PPP2R5E: variants seen among roughly 807,000 people sequenced by gnomAD.
PPP2R5E encodes the protein serine/threonine-protein phosphatase 2A 56 kDa regulatory subunit epsilon isoform.
PPP2R5E carries 4 observed loss-of-function variants against 65.3 expected under a neutral mutation model. The ratio of observed to expected loss-of-function variants is 0.06; its 90% confidence interval spans 0.03 to 0.14. The LOEUF (loss-of-function observed/expected upper bound fraction) is 0.14, where lower values mean the gene tolerates loss of function less well. PPP2R5E is among the 10% of genes least tolerant of loss of function. PPP2R5E has a pLI of 1.00. For missense variants in PPP2R5E, 274 were observed against 556.1 expected, an observed-to-expected ratio of 0.49 and a Z score of 5.10; for synonymous variants, 183 against 187.4, an observed-to-expected ratio of 0.98 and a Z score of 0.19.
intron 2 of PPP2R5E, among the ~76,000 whole-genome samples, chr14:63,521,991 C>T (rs1055586611): frequency 3.6e-5 from 5 of 137,746 alleles, no homozygotes; most frequent in Admixed American, 3.0e-4. Flanking sequence ...CCTCTGATAC[C>T]GAGCCGAAGC....
intron 3 of PPP2R5E, among the ~76,000 whole-genome samples, chr14:63,439,396 C>G (rs755761861): frequency 6.6e-6 from 1 of 150,436 alleles, no homozygotes; most frequent in African/African-American, 2.4e-5. Context: ...TTTTTTGAGA[C>G]GGAGTTTTGC....
intron 5 of PPP2R5E, among the ~76,000 whole-genome samples, chr14:63,411,100 C>T (rs867061044): frequency 2.0e-5 from 3 of 152,188 alleles, no homozygotes; most frequent in Non-Finnish European, 2.9e-5. Flanking sequence ...TAGCTCTAGA[C>T]GTTCACTAAT....
intron 3 of PPP2R5E, chr14:63,453,310 A>T (rs1888948709): frequency 6.4e-6 from 1 of 157,398 alleles, no homozygotes; most frequent in African/African-American, 2.4e-5. Context: ...CTAATATACC[A>T]CAATGAATAA....
chr14:63,485,587 T>C (rs1890946595), intron 2 of PPP2R5E, among the ~76,000 whole-genome samples: 2 of 151,804 alleles, frequency 1.3e-5, no homozygotes, highest in African/African-American at 4.8e-5. Context: ...GCTAATTTTG[T>C]ATTTTTAGTA....
Position 63,418,642 on chromosome 14 carries a change from A to G in PPP2R5E, c.456+3351T>C, listed in dbSNP as rs573515470. Among the ~76,000 whole-genome samples the G allele has an allele frequency of 2.7e-5, 4 of 148,616 alleles. No individual in the cohort carries two copies. In the South Asian group the frequency reaches 8.5e-4, roughly 31 times the overall value. On this transcript the variant is annotated intron_variant, in intron 4 of 13. Coordinates refer to ENST00000337537, the MANE Select transcript of PPP2R5E (RefSeq NM_006246.5). ...AAACAAATTCTTAATTGTAAATGAA[A>G]GTCCTATAAAATTGTATTCTACTGA...
At chr14:63,518,927 A>T (rs572852373) in intron 2 of PPP2R5E, among the ~76,000 whole-genome samples, 145 of 152,264 alleles carry the variant, frequency 9.5e-4, no homozygotes, top group African/African-American at 3.4e-3. Flanking sequence ...AAAATAAAAA[A>T]AATAAAAGAG....
chr14:63,523,123 G>A (rs1026968964), intron 2 of PPP2R5E, among the ~76,000 whole-genome samples: 26 of 150,078 alleles, frequency 1.7e-4, no homozygotes, highest in African/African-American at 4.7e-4. Flanking sequence ...AGCCCCTTCC[G>A]GGAAGTGGGG....
intron 2 of PPP2R5E, among the ~76,000 whole-genome samples, chr14:63,500,782 C>T (rs1891837758): frequency 6.6e-6 from 1 of 151,948 alleles, no homozygotes; most frequent in African/African-American, 2.4e-5. Context: ...AGGAGGATCT[C>T]TCGAGCCTGG....
intron 3 of PPP2R5E, among the ~76,000 whole-genome samples, chr14:63,422,729 TAAAAAAAAAAA>T (rs567590182): frequency 7.4e-4 from 65 of 88,242 alleles, no homozygotes; most frequent in Middle Eastern, 7.5e-3. Context: ...TCCGTCTATT[TAAAAAAAAAAA>T]AAAAAAAAAA....
rs1889906014 is a variant in PPP2R5E at position 63,467,665 on chromosome 14, A to C, written c.158-13780T>G. ...TTATAATTCTGGAAAAACATCACAG[A>C]AACGTTTAAGATGTCAAATGAATTC... is the stretch of plus-strand genomic sequence containing the variant. On this transcript the variant is annotated intron_variant, in intron 2 of 13. Coordinates refer to ENST00000337537, the MANE Select transcript of PPP2R5E (RefSeq NM_006246.5). Among the ~76,000 whole-genome samples the C allele has an allele frequency of 2.6e-5, 4 of 152,258 alleles. No individual in the cohort carries two copies. In the South Asian group the frequency reaches 8.3e-4, roughly 31 times the overall value.
intron 11 of PPP2R5E, 72 bp from the exon 12 acceptor site, chr14:63,384,643 C>T: frequency 7.6e-7 from 1 of 1,310,888 alleles, no homozygotes; most frequent in South Asian, 1.4e-5. Flanking sequence ...TAAATCTTTC[C>T]AAACAAAAGT....
intron 4 of PPP2R5E, among the ~76,000 whole-genome samples, chr14:63,416,728 A>C (rs914637219): frequency 3.9e-5 from 6 of 151,994 alleles, no homozygotes; most frequent in African/African-American, 1.4e-4. Flanking sequence ...GAAAAAAAAA[A>C]CTTTACTTTC....
intron 2 of PPP2R5E, among the ~76,000 whole-genome samples, chr14:63,536,667 T>C (rs117423813): frequency 6.6e-6 from 1 of 152,328 alleles, no homozygotes; most frequent in Non-Finnish European, 1.5e-5. Context: ...ATGGTATGTA[T>C]ATACACTGAA....
chr14:63,538,463 C>A (rs528637532), intron 2 of PPP2R5E, among the ~76,000 whole-genome samples: 2 of 150,716 alleles, frequency 1.3e-5, no homozygotes, highest in Admixed American at 1.3e-4. Flanking sequence ...CCATGTTGGC[C>A]AGGCTGGTCT....
intron 4 of PPP2R5E, among the ~76,000 whole-genome samples, chr14:63,418,281 G>A (rs979329704): frequency 6.6e-6 from 1 of 152,140 alleles, no homozygotes; most frequent in South Asian, 2.1e-4. Context: ...CCACAAAGAG[G>A]GGAGATTCTC....
chr14:63,453,700 C>G lies in PPP2R5E; in HGVS notation c.343G>C (p.Val115Leu). 6.2e-7 allele frequency: 1 copy of G among 1,613,694 alleles called. No individual in the cohort carries two copies. Among genetic ancestry groups the G allele is most frequent in the Non-Finnish European group, 8.5e-7 (1 of 1,179,878 alleles). Residue 115 changes from valine to leucine, a missense_variant, in exon 3 of 14, where the codon GTA (valine) becomes CTA (leucine). By Grantham distance (32) the Val-to-Leu change is conservative. Around this residue, in one of 6 missense-constraint regions of PPP2R5E, gnomAD observed 51 missense variants for 101.1 expected, o/e 0.50. Transcript: ENST00000337537. ...AAAAAGAAACTCACCATTCTAACTA[C>G]TTCAGGGTAAGTCTGCTCTGTCAAA... Reference protein sequence around the residue: ...GCLTEQTYPEVVRMVSCNIFR... With the variant: ...GCLTEQTYPELVRMVSCNIFR...
At chr14:63,495,654 ATTTCT>A (rs1011924591) in intron 2 of PPP2R5E, among the ~76,000 whole-genome samples, 9 of 151,738 alleles carry the variant, frequency 5.9e-5, no homozygotes, top group East Asian at 1.9e-4. Flanking sequence ...ATATATACTA[ATTTCT>A]TTTCTTTTTT....
At position 63,389,720 on chromosome 14, in the gene PPP2R5E, A is replaced by G. The variant is rs1380407521; in HGVS notation, c.966T>C (p.Leu322=). The G allele has an allele frequency of 6.2e-7, 1 of 1,608,410 alleles. No individual in the cohort carries two copies. The highest frequency in any genetic ancestry group is 8.5e-7 in the Non-Finnish European group (1 of 1,177,878). Residue 322 remains leucine, a synonymous_variant, in exon 11 of 14, where the codon CTT becomes CTC. Transcript: ENST00000337537. ...KTCSQKEVMF[L]GELEEILDVI... ...CATCCAATATTTCTTCCAGTTCCCC[A>G]AGGAACATGACCTGTAAGTACAAGC...
chr14:63,446,551 C>T (rs572684028), intron 3 of PPP2R5E, among the ~76,000 whole-genome samples: 4 of 152,098 alleles, frequency 2.6e-5, no homozygotes, highest in South Asian at 2.1e-4. Flanking sequence ...AACATTCGGC[C>T]GGGCACGGTG....
Sources: gnomAD v4.1 joint callset for allele counts (sites outside exome capture counted in the v4.1 genomes callset) on GRCh38, gnomAD v4.1.1 for gene constraint, gnomAD v4.1.1 regional missense constraint, MANE v1.5 for transcripts, NCBI Gene and HGNC (gene_info 2026-07-23, HGNC 2026-07-21) for gene names.